The following SH3RF1 variants were observed in gnomAD, a reference collection of about 807,000 sequenced individuals.
The protein encoded by SH3RF1 is E3 ubiquitin-protein ligase SH3RF1.
A neutral mutation model predicts 74.0 loss-of-function variants in SH3RF1; 32 were observed. That is an observed-to-expected ratio of 0.43 (90% CI 0.33 to 0.58). The LOEUF (loss-of-function observed/expected upper bound fraction) is 0.58, where lower values mean the gene tolerates loss of function less well. SH3RF1 is among the 20% of genes least tolerant of loss of function. The probability of loss-of-function intolerance (pLI) is 0.05; values close to 1 mark genes in which losing one functional copy is unlikely to be tolerated. For synonymous variants in SH3RF1, 396 were observed against 439.6 expected, an observed-to-expected ratio of 0.90 and a Z score of 1.24; for missense variants, 954 against 1,130.9, an observed-to-expected ratio of 0.84 and a Z score of 2.24.
intron 2 of SH3RF1, among the ~76,000 whole-genome samples, chr4:169,222,015 C>CTAGA (rs1392936900): frequency 6.6e-6 from 1 of 152,322 alleles, no homozygotes; most frequent in East Asian, 1.9e-4. Context: ...CCTTGAACAT[C>CTAGA]TATACATTAT....
At position 169,255,213 on chromosome 4, in the gene SH3RF1, A is replaced by C. The variant is rs539541444; in HGVS notation, c.393+13607T>G. On this transcript the variant is annotated intron_variant, in intron 2 of 11. Transcript: ENST00000284637. ...CGTTTCTTACCCAAAACAGTACATG[A>C]ATATTTTAGCTACAAAATCAGTACG... 2.0e-5 allele frequency among the ~76,000 whole-genome samples: 3 copies of C among 152,328 alleles called. No individual in the cohort carries two copies. In the South Asian group the frequency reaches 6.2e-4, roughly 32 times the overall value.
intron 10 of SH3RF1, among the ~76,000 whole-genome samples, chr4:169,111,947 C>T (rs1476873962): frequency 6.6e-6 from 1 of 152,116 alleles, no homozygotes; most frequent in African/African-American, 2.4e-5. Context: ...ACAGGACTTC[C>T]AAATAAAATA....
At chr4:169,134,800 C>A (rs1319442410) in intron 5 of SH3RF1, among the ~76,000 whole-genome samples, 1 of 152,310 alleles carries the variant, frequency 6.6e-6, no homozygotes, top group East Asian at 1.9e-4. Context: ...CCAACAAATA[C>A]ATGTTGAGTG....
intron 11 of SH3RF1, among the ~76,000 whole-genome samples, chr4:169,100,622 C>A (rs1733004584): frequency 6.6e-6 from 1 of 152,132 alleles, no homozygotes; most frequent in Non-Finnish European, 1.5e-5. Context: ...CTGTCCCCAA[C>A]CCAGTCTATG....
chr4:169,226,806 T>C (rs1449846210), intron 2 of SH3RF1, among the ~76,000 whole-genome samples: 1 of 152,230 alleles, frequency 6.6e-6, no homozygotes, highest in East Asian at 1.9e-4. Context: ...TTGAATGTGT[T>C]AGCCTAGCAT....
intron 2 of SH3RF1, among the ~76,000 whole-genome samples, chr4:169,212,057 CTTTTTTTTTTTT>C (rs34108534): frequency 2.1e-5 from 1 of 48,266 alleles, no homozygotes; most frequent in Non-Finnish European, 3.7e-5. Context: ...CTTTTCTTTT[CTTTTTTTTTTTT>C]TTTTTTTTTT....
chr4:169,224,270 C>G (rs752328783), intron 2 of SH3RF1, among the ~76,000 whole-genome samples: 5 of 151,712 alleles, frequency 3.3e-5, no homozygotes, highest in Non-Finnish European at 5.9e-5. Flanking sequence ...GAGCTATAAA[C>G]AGAGGAAATG....
At chr4:169,178,924 C>T (rs1160203912) in intron 2 of SH3RF1, among the ~76,000 whole-genome samples, 1 of 152,118 alleles carries the variant, frequency 6.6e-6, no homozygotes, top group East Asian at 1.9e-4. Context: ...TAGCTTAATA[C>T]AAATGTAAAA....
chr4:169,252,534 T>C (rs1289318301), intron 2 of SH3RF1, among the ~76,000 whole-genome samples: 1 of 152,254 alleles, frequency 6.6e-6, no homozygotes, highest in African/African-American at 2.4e-5. Context: ...TGGGTGCCAA[T>C]AATTAGCAAC....
At chr4:169,127,759 G>A (rs1268423878) in intron 6 of SH3RF1, among the ~76,000 whole-genome samples, 1 of 152,116 alleles carries the variant, frequency 6.6e-6, no homozygotes, top group Non-Finnish European at 1.5e-5. Flanking sequence ...GCCTCAGAGT[G>A]AGCCTCCAGG....
Position 169,155,156 on chromosome 4 carries a change from T to A in SH3RF1, c.765+324A>T, listed in dbSNP as rs184583111. Among the ~76,000 whole-genome samples the A allele has an allele frequency of 2.8e-3, 423 of 152,332 alleles. 3 individuals carry two copies. The highest frequency in any genetic ancestry group is 3.4e-3 in the Middle Eastern group (1 of 294). ...TTTTCTCCATCTTACTTAAGAACTTTATCAACTTTCTACTCCCACCAAAGC... is the reference window on the plus strand; with the variant it reads ...TTTTCTCCATCTTACTTAAGAACTTAATCAACTTTCTACTCCCACCAAAGC... On this transcript the variant is annotated intron_variant, in intron 4 of 11. Coordinates refer to ENST00000284637, the MANE Select transcript of SH3RF1 (RefSeq NM_020870.4).
At chr4:169,146,034 CTATATATTCTATATAAAATAT>C (rs1169736730) in intron 4 of SH3RF1, among the ~76,000 whole-genome samples, 2,593 of 129,554 alleles carry the variant, frequency 0.02, 316 homozygotes, top group Non-Finnish European at 0.032. Flanking sequence ...ATTACATATT[CTATATATTCTATATAAAATAT>C]TATATATTCT....
intron 2 of SH3RF1, among the ~76,000 whole-genome samples, chr4:169,219,290 C>A (rs185396034): frequency 1.2e-4 from 19 of 152,172 alleles, no homozygotes; most frequent in African/African-American, 4.3e-4. Context: ...TATGCCAAAT[C>A]GTTTCTGTTC....
chr4:169,135,977 G>A (rs1579100348), intron 5 of SH3RF1, among the ~76,000 whole-genome samples: 1 of 152,172 alleles, frequency 6.6e-6, no homozygotes, highest in Non-Finnish European at 1.5e-5. Flanking sequence ...TGGAGATAAA[G>A]TTTTAGTTGG....
intron 2 of SH3RF1, among the ~76,000 whole-genome samples, chr4:169,234,595 T>G (rs1347198247): frequency 6.6e-6 from 1 of 152,228 alleles, no homozygotes; most frequent in Non-Finnish European, 1.5e-5. Flanking sequence ...ACTTGCCATT[T>G]AATAGACTTT....
intron 2 of SH3RF1, among the ~76,000 whole-genome samples, chr4:169,206,502 G>A (rs999031384): frequency 3.9e-5 from 6 of 152,094 alleles, no homozygotes; most frequent in Non-Finnish European, 8.8e-5. Context: ...GTGAGACTCC[G>A]TCTCCATAAA....
At chr4:169,175,954 G>T (rs1300516000) in intron 2 of SH3RF1, among the ~76,000 whole-genome samples, 1 of 152,194 alleles carries the variant, frequency 6.6e-6, no homozygotes, top group African/African-American at 2.4e-5. Context: ...ATGGGGTGGA[G>T]GTCCCATGAT....
Position 169,096,054 on chromosome 4 carries a change from T to C in SH3RF1, c.*465A>G, listed in dbSNP as rs973099261. 6.5e-6 allele frequency: 1 copy of C among 152,724 alleles called. No individual in the cohort carries two copies. The highest frequency in any genetic ancestry group is 1.5e-5 in the Non-Finnish European group (1 of 68,282). 9.5% of individuals were successfully genotyped at this position (152,724 alleles called of 1,614,324 possible). A position where few individuals can be genotyped will look rare whatever the true frequency, so the allele number is the denominator to read the frequency against. ...TAGCAGGGAGGAGGAGAGGGGAAAA[T>C]GCATTCACTCTATGTCAAAACGAAT... On this transcript the variant is annotated 3_prime_UTR_variant, in exon 12 of 12. Coordinates refer to ENST00000284637, the MANE Select transcript of SH3RF1 (RefSeq NM_020870.4).
At chr4:169,238,648 T>G (rs1030944232) in intron 2 of SH3RF1, among the ~76,000 whole-genome samples, 2 of 152,214 alleles carry the variant, frequency 1.3e-5, no homozygotes, top group Non-Finnish European at 2.9e-5. Context: ...CCTCCTTGAA[T>G]CTGGCACATA....
Sources: gnomAD v4.1 joint callset for allele counts (sites outside exome capture counted in the v4.1 genomes callset) on GRCh38, gnomAD v4.1.1 for gene constraint, MANE v1.5 for transcripts, NCBI Gene and HGNC (gene_info 2026-07-23, HGNC 2026-07-21) for gene names.